Variants in CTNND2 observed in about 807,000 individuals in gnomAD.
CTNND2 encodes catenin delta 2, also known as catenin delta-2.
Under a neutral mutation model 144.4 loss-of-function variants are expected in CTNND2, and 22 were observed. The ratio of observed to expected loss-of-function variants is 0.15; its 90% confidence interval spans 0.11 to 0.22. CTNND2 has a LOEUF of 0.22. CTNND2 is among the 10% of genes least tolerant of loss of function. The pLI is 1.00. For missense variants in CTNND2, 1,353 were observed against 1,618.8 expected, an observed-to-expected ratio of 0.84 and a Z score of 2.82; for synonymous variants, 751 against 695.6, an observed-to-expected ratio of 1.08 and a Z score of -1.25.
At chr5:11,895,043 G>T (rs1356408643) in intron 1 of CTNND2, among the ~76,000 whole-genome samples, 1 of 152,106 alleles carries the variant, frequency 6.6e-6, no homozygotes, top group African/African-American at 2.4e-5. Context: ...AGAGCAGGGG[G>T]AGAAGGTAGA....
chr5:11,624,786 C>T (rs1781064246), intron 2 of CTNND2, among the ~76,000 whole-genome samples: 2 of 151,994 alleles, frequency 1.3e-5, no homozygotes, highest in African/African-American at 4.8e-5. Flanking sequence ...TTCCCTCCCC[C>T]AACATTAAGG....
At chr5:11,747,585 T>C (rs1788385241) in intron 1 of CTNND2, among the ~76,000 whole-genome samples, 1 of 152,158 alleles carries the variant, frequency 6.6e-6, no homozygotes, top group South Asian at 2.1e-4. Flanking sequence ...AATAAAAGCA[T>C]CTAAGCTTAT....
intron 11 of CTNND2, among the ~76,000 whole-genome samples, chr5:11,171,035 C>T: frequency 6.6e-6 from 1 of 152,164 alleles, no homozygotes; most frequent in East Asian, 1.9e-4. Flanking sequence ...TGGGGTCCCT[C>T]CCATGACATG....
chr5:11,247,871 CATTT>C lies in CTNND2; in HGVS notation c.1629-11052_1629-11049del, dbSNP rs1279357005. The stretch of plus-strand genomic sequence containing the variant: ...CAATATCCAATTAACTTTAAAACAG[CATTT>C]ATTCATTCATTAATGCAACTAGACT... On this transcript the variant is annotated intron_variant, in intron 9 of 21. Transcript: ENST00000304623. Among the ~76,000 whole-genome samples, 9 of 152,246 alleles carry C rather than the reference CATTT, an allele frequency of 5.9e-5. No individual in the cohort carries two copies. The South Asian group carries it at 1.2e-3, about 21-fold the overall frequency.
At position 11,809,470 on chromosome 5, in the gene CTNND2, T is replaced by C. The variant is rs180903630; in HGVS notation, c.38-77198A>G. 3.1e-3 allele frequency among the ~76,000 whole-genome samples: 479 copies of C among 152,296 alleles called. 4 individuals carry two copies. Among genetic ancestry groups the C allele is most frequent in the Middle Eastern group, 0.01 (3 of 294 alleles). On this transcript the variant is annotated intron_variant, in intron 1 of 21. Transcript: ENST00000304623. The stretch of plus-strand genomic sequence containing the variant: ...TTCATAATTTTATTACCTAACTGAA[T>C]TTACTCACTGCCACAGGATAGCCAT...
intron 16 of CTNND2, among the ~76,000 whole-genome samples, chr5:11,025,854 T>C (rs1239943001): frequency 6.6e-6 from 1 of 152,190 alleles, no homozygotes. Context: ...GGAGGAATCT[T>C]GATTCCTCTC....
intron 3 of CTNND2, among the ~76,000 whole-genome samples, chr5:11,436,268 A>G (rs1424727039): frequency 6.6e-6 from 1 of 152,144 alleles, no homozygotes. Context: ...GTTGAATTTT[A>G]TACCTGAAGA....
rs58618024 is a variant in CTNND2 at position 10,981,608 on chromosome 5, G to C, written c.3417+165C>G. Among the ~76,000 whole-genome samples the C allele has an allele frequency of 0.29, 44,204 of 151,332 alleles. 7,009 individuals carry two copies. Among genetic ancestry groups the C allele is most frequent in the African/African-American group, 0.43 (17,430 of 40,994 alleles). On this transcript the variant is annotated intron_variant, in intron 21 of 21. Transcript: ENST00000304623. ...TCCAACACACACACACACACACACA[G>C]AGACACACACACGCTGCAACAGGCG...
chr5:11,741,655 A>C (rs1788017196), intron 1 of CTNND2, among the ~76,000 whole-genome samples: 1 of 151,820 alleles, frequency 6.6e-6, no homozygotes, highest in African/African-American at 2.4e-5. Context: ...CCAACATGGC[A>C]CATGTATACT....
intron 1 of CTNND2, among the ~76,000 whole-genome samples, chr5:11,806,399 G>A (rs1488879159): frequency 6.6e-6 from 1 of 152,002 alleles, no homozygotes; most frequent in African/African-American, 2.4e-5. Context: ...AGTAACTAAC[G>A]CTCACTGCCC....
chr5:11,118,915 G>C (rs577944432), intron 12 of CTNND2, among the ~76,000 whole-genome samples: 1 of 152,276 alleles, frequency 6.6e-6, no homozygotes, highest in African/African-American at 2.4e-5. Flanking sequence ...ACCCAGAGAG[G>C]ACCAAGGAAT....
In CTNND2 at chr5:11,565,027, C is replaced by T. The variant is rs1581510064; in HGVS notation, c.204G>A (p.Glu68=). The T allele has an allele frequency of 6.2e-7, 1 of 1,614,068 alleles. No individual in the cohort carries two copies. Among genetic ancestry groups the T allele is most frequent in the African/African-American group, 1.3e-5 (1 of 75,074 alleles). Residue 68 remains glutamate (E), a synonymous_variant, in exon 3 of 22, where the codon GAG becomes GAA. Transcript: ENST00000304623. ...QELQFERLTR[E]LEAERQIVAS... ...CTACGATCTGCCGTTCAGCCTCCAGCTCTCGGGTCAGCCTTTCAAACTGTA... is the reference window on the plus strand; with the variant it reads ...CTACGATCTGCCGTTCAGCCTCCAGTTCTCGGGTCAGCCTTTCAAACTGTA...
At chr5:11,158,090 A>G (rs1302836619) in intron 12 of CTNND2, among the ~76,000 whole-genome samples, 1 of 152,236 alleles carries the variant, frequency 6.6e-6, no homozygotes, top group Non-Finnish European at 1.5e-5. Context: ...TTAATCAGAG[A>G]GCATTTTAAC....
intron 2 of CTNND2, chr5:11,588,877 C>T: frequency 1.0e-6 from 1 of 985,356 alleles, no homozygotes; most frequent in Non-Finnish European, 1.2e-6. Context: ...GGCATCCTAC[C>T]CACCTCCCTC....
chr5:11,883,723 A>G (rs1045176625), intron 1 of CTNND2, among the ~76,000 whole-genome samples: 1 of 152,132 alleles, frequency 6.6e-6, no homozygotes, highest in Non-Finnish European at 1.5e-5. Flanking sequence ...ATCAAATGGT[A>G]TTTCTGGTTC....
Position 11,742,402 on chromosome 5 carries a change from GC to G in CTNND2, c.38-10131del, listed in dbSNP as rs1788069456. Reference sequence around the variant, plus strand: ...CTGATGTTAACTACCTTGACTTCCTGCCCCCTCACACCAAACAAACAAGAGA... The same window carrying G: ...CTGATGTTAACTACCTTGACTTCCTGCCCCTCACACCAAACAAACAAGAGA... On this transcript the variant is annotated intron_variant, in intron 1 of 21. Coordinates refer to ENST00000304623, the MANE Select transcript of CTNND2 (RefSeq NM_001332.4). Among the ~76,000 whole-genome samples, 5 of 151,980 alleles carry G rather than the reference GC, an allele frequency of 3.3e-5. No individual in the cohort carries two copies. In the South Asian group the frequency reaches 1.0e-3, roughly 32 times the overall value.
chr5:11,272,401 G>C (rs1746117058), intron 9 of CTNND2, among the ~76,000 whole-genome samples: 1 of 152,076 alleles, frequency 6.6e-6, no homozygotes, highest in Admixed American at 6.6e-5. Flanking sequence ...TTTTAGGAAA[G>C]ATAAATGTTT....
intron 1 of CTNND2, among the ~76,000 whole-genome samples, chr5:11,735,500 T>C (rs1273798017): frequency 6.6e-6 from 1 of 152,156 alleles, no homozygotes; most frequent in African/African-American, 2.4e-5. Context: ...TCCATGTCCA[T>C]GGGTTCACAG....
At chr5:11,374,132 T>C (rs1273561306) in intron 7 of CTNND2, among the ~76,000 whole-genome samples, 1 of 152,072 alleles carries the variant, frequency 6.6e-6, no homozygotes, top group Non-Finnish European at 1.5e-5. Flanking sequence ...ACTGTAACCA[T>C]ACCCTTCAAG....
Sources: gnomAD v4.1 joint callset for allele counts (sites outside exome capture counted in the v4.1 genomes callset) on GRCh38, gnomAD v4.1.1 for gene constraint, MANE v1.5 for transcripts, NCBI Gene and HGNC (gene_info 2026-07-23, HGNC 2026-07-21) for gene names.